Variants in RYR3 observed in about 807,000 individuals in gnomAD.
RYR3 encodes the protein ryanodine receptor 3.
In RYR3, 207 loss-of-function variants were observed where a neutral mutation model predicts 584.3. That is an observed-to-expected ratio of 0.35 (90% CI 0.32 to 0.40). RYR3 has a LOEUF of 0.40. Ranked by LOEUF, RYR3 falls within the 10% of genes least tolerant of loss-of-function variation. RYR3 has a pLI of 1.00. For synonymous variants in RYR3, 2,416 were observed against 2,248.5 expected (o/e 1.07, Z -2.11); for missense variants, 5,616 against 6,089.2 (o/e 0.92, Z 2.59).
At chr15:33,753,890 A>G (rs558764360) in intron 57 of RYR3, among the ~76,000 whole-genome samples, 1 of 152,326 alleles carries the variant, frequency 6.6e-6, no homozygotes, top group East Asian at 1.9e-4. Flanking sequence ...TACTGTAATG[A>G]TAAAGGAAGT....
At chr15:33,833,204 T>A (rs1038133463) in intron 86 of RYR3, among the ~76,000 whole-genome samples, 1 of 152,154 alleles carries the variant, frequency 6.6e-6, no homozygotes, top group South Asian at 2.1e-4. Flanking sequence ...AGGAAAGAAG[T>A]GGACAATGTT....
At chr15:33,817,127 C>G (rs190194122) in intron 75 of RYR3, among the ~76,000 whole-genome samples, 169 bp downstream of exon 75, 1 of 152,300 alleles carries the variant, frequency 6.6e-6, no homozygotes, top group Non-Finnish European at 1.5e-5. Context: ...TCATAGGAGC[C>G]AGAGGATGAA....
At chr15:33,742,146 A>G (rs796878398) in intron 51 of RYR3, among the ~76,000 whole-genome samples, 21 of 152,262 alleles carry the variant, frequency 1.4e-4, no homozygotes, top group African/African-American at 5.1e-4. Flanking sequence ...TCCTGCAGAG[A>G]TGTTCCATGG....
In RYR3 at chr15:33,531,649, T is replaced by TA. The variant is rs1567464056; in HGVS notation, c.354+983_354+984insA. Among the ~76,000 whole-genome samples the TA allele has an allele frequency of 1.0e-3, 149 of 146,996 alleles. 1 individual carries two copies. The highest frequency in any genetic ancestry group is 3.4e-3 in the African/African-American group (141 of 40,910). On this transcript the variant is annotated intron_variant, in intron 4 of 103. Coordinates refer to ENST00000634891, the MANE Select transcript of RYR3 (RefSeq NM_001036.6). The stretch of plus-strand genomic sequence containing the variant: ...TGCTGCAGCATATATATATATATAT[T>TA]TTTTTTTCTGAGCACTGGTAAGAGG...
chr15:33,652,106 T>TA (rs2062510484), intron 31 of RYR3, among the ~76,000 whole-genome samples: 1 of 152,118 alleles, frequency 6.6e-6, no homozygotes, highest in Non-Finnish European at 1.5e-5. Flanking sequence ...GCAAGGCACC[T>TA]AAGCTGATGG....
rs527347221 is a variant in RYR3, at chr15:33,427,659, C to A, written c.52-45760C>A. ...TCACTGGAAGTTTATTCATGGCTCT[C>A]TCTGAAATGAATATTTATGCACCTG... On this transcript the variant is annotated intron_variant, in intron 1 of 103. Transcript: ENST00000634891. Among the ~76,000 whole-genome samples the A allele has an allele frequency of 1.6e-3, 247 of 152,332 alleles. 2 individuals carry two copies. The highest frequency in any genetic ancestry group is 5.9e-3 in the African/African-American group (245 of 41,582).
intron 1 of RYR3, among the ~76,000 whole-genome samples, chr15:33,461,886 T>C (rs377575971): frequency 1.3e-5 from 2 of 152,208 alleles, no homozygotes; most frequent in East Asian, 1.9e-4. Flanking sequence ...ACCTGGAATG[T>C]GACCTCCATG....
chr15:33,855,935 C>G (rs916565813), intron 98 of RYR3: 2 of 152,164 alleles, frequency 1.3e-5, no homozygotes, highest in Admixed American at 6.5e-5. Flanking sequence ...CTGTGTATGA[C>G]AGACAGGCTT....
chr15:33,529,499 G>T (rs1427517239), intron 3 of RYR3, among the ~76,000 whole-genome samples: 1 of 152,122 alleles, frequency 6.6e-6, no homozygotes, highest in Admixed American at 6.5e-5. Flanking sequence ...CCAGTCCTTG[G>T]GCTGCCAGTC....
intron 1 of RYR3, among the ~76,000 whole-genome samples, chr15:33,384,519 TATA>T (rs934342921): frequency 7.1e-4 from 104 of 146,752 alleles, no homozygotes; most frequent in Admixed American, 1.3e-3. Context: ...TAATTAATAA[TATA>T]ATAATATTAA....
At chr15:33,815,901 A>T in intron 74 of RYR3, 1 of 398,294 alleles carries the variant, frequency 2.5e-6, no homozygotes. Flanking sequence ...TAATGAAAAA[A>T]CTCAGTATGA....
At chr15:33,461,485 T>TTA (rs1256391477) in intron 1 of RYR3, among the ~76,000 whole-genome samples, 1 of 152,202 alleles carries the variant, frequency 6.6e-6, no homozygotes, top group Non-Finnish European at 1.5e-5. Context: ...TTCTAATCTG[T>TTA]TATTTCTCCT....
At chr15:33,751,780 G>A (rs10444860) in intron 57 of RYR3, among the ~76,000 whole-genome samples, 74,055 of 151,436 alleles carry the variant, frequency 0.49, 19,511 homozygotes, top group Admixed American at 0.62. Context: ...ATTGATTTTG[G>A]TGTTTTAGTC....
chr15:33,324,936 A>G (rs1042004378), intron 1 of RYR3, among the ~76,000 whole-genome samples: 1 of 152,222 alleles, frequency 6.6e-6, no homozygotes, highest in Non-Finnish European at 1.5e-5. Context: ...GAAGACTGAG[A>G]AATCAGGATG....
intron 43 of RYR3, among the ~76,000 whole-genome samples, chr15:33,713,795 C>G (rs542514065): frequency 2.0e-5 from 3 of 152,106 alleles, no homozygotes; most frequent in Non-Finnish European, 4.4e-5. Flanking sequence ...ATAGATGGTG[C>G]CTTCTCACTT....
At chr15:33,556,842 G>A (rs982488418) in intron 10 of RYR3, among the ~76,000 whole-genome samples, 3 of 151,906 alleles carry the variant, frequency 2.0e-5, no homozygotes, top group Admixed American at 6.6e-5. Flanking sequence ...CTAACTCCCC[G>A]GTAGAGTTGT....
intron 103 of RYR3, chr15:33,864,831 G>C (rs1416938806): frequency 3.3e-6 from 1 of 302,186 alleles, no homozygotes. Flanking sequence ...CAGCGGCATG[G>C]AATCAGCTTA....
At chr15:33,780,156 G>A in intron 64 of RYR3, 55 bp from the exon 65 acceptor site, 1 of 1,594,002 alleles carries the variant, frequency 6.3e-7, no homozygotes, top group East Asian at 2.2e-5. Flanking sequence ...ATCTGCCAAT[G>A]CATGGGGCCA....
At chr15:33,315,260 A>T (rs1050595898) in intron 1 of RYR3, among the ~76,000 whole-genome samples, 16 of 152,154 alleles carry the variant, frequency 1.1e-4, no homozygotes, top group African/African-American at 3.6e-4. Flanking sequence ...ATGACAGTGA[A>T]CTTGTACCTG....
Sources: gnomAD v4.1 joint callset for allele counts (sites outside exome capture counted in the v4.1 genomes callset) on GRCh38, gnomAD v4.1.1 for gene constraint, MANE v1.5 for transcripts, NCBI Gene and HGNC (gene_info 2026-07-23, HGNC 2026-07-21) for gene names.